ZNF705B: variants seen among roughly 807,000 people sequenced by gnomAD.
The protein encoded by ZNF705B is zinc finger protein 705B.
In ZNF705B, 1 loss-of-function variant was observed where a neutral mutation model predicts 10.5. The observed-to-expected ratio is 0.10, with a 90% CI of 0.03 to 0.45. ZNF705B has a LOEUF of 0.45. ZNF705B is among the 20% of genes least tolerant of loss of function. ZNF705B has a pLI of 0.97. For missense variants in ZNF705B, 14 were observed against 84.0 expected, an observed-to-expected ratio of 0.17 and a Z score of 3.26; for synonymous variants, 4 against 25.4, an observed-to-expected ratio of 0.16 and a Z score of 2.53.
chr8:7,936,974 C>T (rs1224184324), intron 2 of ZNF705B, among the ~76,000 whole-genome samples: 5 of 120,248 alleles, frequency 4.2e-5, no homozygotes, highest in African/African-American at 1.3e-4. Flanking sequence ...TTTTAAAAAT[C>T]TTTCGTTTTC....
rs1193261238 is a variant in ZNF705B, at chr8:7,929,137, A to G, written c.-221-1150A>G. Among the ~76,000 whole-genome samples, 4 of 121,908 alleles carry G rather than the reference A, an allele frequency of 3.3e-5. 1 individual carries two copies. Among genetic ancestry groups the G allele is most frequent in the Non-Finnish European group, 7.9e-5 (4 of 50,602 alleles). The allele number at this position is 121,908 out of a possible 152,430, so 80.0% of individuals were successfully genotyped here. ...TTAACCTCTCCTTAATGATTCATGT[A>G]GCACTTTCATATCTTGAAATAAGGT... On this transcript the variant is annotated intron_variant, in intron 1 of 6. Coordinates refer to ENST00000400120, the MANE Select transcript of ZNF705B (RefSeq NM_001193630.1).
At chr8:7,937,011 G>A (rs1820034306) in intron 2 of ZNF705B, among the ~76,000 whole-genome samples, 1 of 120,048 alleles carries the variant, frequency 8.3e-6, no homozygotes, top group Non-Finnish European at 2.0e-5. Context: ...TAAACCTTGT[G>A]TATTGCATAT....
chr8:7,930,640 A>G (rs1165317076), intron 2 of ZNF705B, among the ~76,000 whole-genome samples: 4 of 103,502 alleles, frequency 3.9e-5, no homozygotes, highest in African/African-American at 1.1e-4. Flanking sequence ...TTTTCCCAAG[A>G]TTACATTCAT....
intron 2 of ZNF705B, among the ~76,000 whole-genome samples, chr8:7,940,653 C>T (rs1208620728): frequency 1.4e-5 from 2 of 146,158 alleles, no homozygotes; most frequent in East Asian, 2.0e-4. Context: ...GTGAGTTTGT[C>T]GATTTTAGAT....
chr8:7,932,577 G>T (rs1441360307), intron 2 of ZNF705B, among the ~76,000 whole-genome samples: 1 of 121,558 alleles, frequency 8.2e-6, no homozygotes, highest in African/African-American at 2.5e-5. Flanking sequence ...ATATTAAAGG[G>T]TCAGTTGGTG....
chr8:7,928,232 C>T (rs1819751295), intron 1 of ZNF705B, among the ~76,000 whole-genome samples: 1 of 114,736 alleles, frequency 8.7e-6, no homozygotes, highest in South Asian at 3.1e-4. Flanking sequence ...ACTTAATCAC[C>T]TCCTCAAAGC....
In ZNF705B at chr8:7,936,357, G is replaced by C. The variant is rs111610565; in HGVS notation, c.-72+5921G>C. ...TAATACAGAACTACCATTTGACCCAGTAATCTCACTACTGGGTGTATATCC... is the reference window on the plus strand; with the variant it reads ...TAATACAGAACTACCATTTGACCCACTAATCTCACTACTGGGTGTATATCC... On this transcript the variant is annotated intron_variant, in intron 2 of 6. Transcript: ENST00000400120. 1.1e-4 allele frequency among the ~76,000 whole-genome samples: 13 copies of C among 119,260 alleles called. 2 individuals are homozygous for C. The highest frequency in any genetic ancestry group is 8.5e-4 in the South Asian group (3 of 3,524). 78.2% of individuals were successfully genotyped at this position (119,260 alleles called of 152,430 possible). A position where few individuals can be genotyped will look rare whatever the true frequency, so the allele number is the denominator to read the frequency against.
At position 7,932,575 on chromosome 8, in the gene ZNF705B, G is replaced by T. The variant is rs1373102132; in HGVS notation, c.-72+2139G>T. 2.0e-4 allele frequency among the ~76,000 whole-genome samples: 24 copies of T among 121,528 alleles called. 7 individuals are homozygous for T. The Admixed American group carries it at 2.2e-3, about 11-fold the overall frequency. The allele number at this position is 121,528 out of a possible 152,430, so 79.7% of individuals were successfully genotyped here. On this transcript the variant is annotated intron_variant, in intron 2 of 6. Coordinates refer to ENST00000400120, the MANE Select transcript of ZNF705B (RefSeq NM_001193630.1). ...TTATATAGTGCAAAAATATATTAAA[G>T]GGTCAGTTGGTGATGCAGTTTCAAA...
intron 2 of ZNF705B, among the ~76,000 whole-genome samples, chr8:7,941,204 C>T (rs1209143570): frequency 2.8e-5 from 4 of 145,316 alleles, no homozygotes; most frequent in Non-Finnish European, 6.1e-5. Flanking sequence ...GGTATATACC[C>T]AGTAATGGGA....
chr8:7,932,527 G>A (rs1331240400), intron 2 of ZNF705B, among the ~76,000 whole-genome samples: 1 of 121,356 alleles, frequency 8.2e-6, no homozygotes, highest in Non-Finnish European at 2.0e-5. Context: ...TTCTAGGGAA[G>A]CACTTACTCT....
At chr8:7,931,997 C>A (rs1484997126) in intron 2 of ZNF705B, among the ~76,000 whole-genome samples, 1 of 120,782 alleles carries the variant, frequency 8.3e-6, no homozygotes, top group Non-Finnish European at 2.0e-5. Context: ...AGGATGTAGT[C>A]TTTTGGGGGC....
intron 1 of ZNF705B, among the ~76,000 whole-genome samples, chr8:7,926,645 G>A (rs139535536): frequency 0.58 from 52,985 of 90,976 alleles, 13,104 homozygotes; most frequent in Middle Eastern, 0.67. Flanking sequence ...ATGCAATAGT[G>A]TTAAGAAGCG....
chr8:7,927,677 G>A (rs1444554854), intron 1 of ZNF705B, among the ~76,000 whole-genome samples: 1 of 137,488 alleles, frequency 7.3e-6, no homozygotes, highest in Non-Finnish European at 1.6e-5. Context: ...TTGAAAGGTT[G>A]AATTATTTGC....
At chr8:7,936,233 G>A (rs1820011201) in intron 2 of ZNF705B, among the ~76,000 whole-genome samples, 1 of 120,048 alleles carries the variant, frequency 8.3e-6, no homozygotes, top group South Asian at 2.8e-4. Context: ...GCGGAAATTT[G>A]TTGTTACTCT....
At chr8:7,931,128 C>T (rs1819835967) in intron 2 of ZNF705B, among the ~76,000 whole-genome samples, 1 of 121,234 alleles carries the variant, frequency 8.2e-6, no homozygotes, top group African/African-American at 2.5e-5. Context: ...GCTAGGATTA[C>T]AGGTGTGAGT....
intron 2 of ZNF705B, among the ~76,000 whole-genome samples, chr8:7,930,763 A>T (rs1277112713): frequency 8.6e-6 from 1 of 116,400 alleles, no homozygotes; most frequent in African/African-American, 2.6e-5. Flanking sequence ...TGGCAACGAC[A>T]ACACTAATAC....
chr8:7,938,025 C>T (rs1167978392), intron 2 of ZNF705B, among the ~76,000 whole-genome samples: 2 of 131,290 alleles, frequency 1.5e-5, no homozygotes, highest in African/African-American at 5.1e-5. Flanking sequence ...TTGGGCCAAT[C>T]CAAGAAGTCC....
intron 2 of ZNF705B, among the ~76,000 whole-genome samples, chr8:7,933,097 G>A: frequency 8.6e-6 from 1 of 116,806 alleles, no homozygotes; most frequent in Non-Finnish European, 2.0e-5. Flanking sequence ...TTAAAATAGG[G>A]AGATTATCTT....
At chr8:7,940,731 C>T (rs1186687493) in intron 2 of ZNF705B, among the ~76,000 whole-genome samples, 11 of 146,070 alleles carry the variant, frequency 7.5e-5, no homozygotes, top group Non-Finnish European at 1.4e-4. Flanking sequence ...TAACCTAATG[C>T]CCTCCAAGTC....
Sources: gnomAD v4.1 joint callset for allele counts (sites outside exome capture counted in the v4.1 genomes callset) on GRCh38, gnomAD v4.1.1 for gene constraint, MANE v1.5 for transcripts, NCBI Gene and HGNC (gene_info 2026-07-23, HGNC 2026-07-21) for gene names.